Variants in ADGRV1 observed in about 807,000 individuals in gnomAD.
ADGRV1 encodes G-protein coupled receptor 98.
A neutral mutation model predicts 596.2 loss-of-function variants in ADGRV1; 359 were observed. The observed-to-expected ratio is 0.60, with a 90% confidence interval of 0.55 to 0.66. The LOEUF is 0.66. Ranked by LOEUF, ADGRV1 falls within the 30% of genes least tolerant of loss-of-function variation. The probability of loss-of-function intolerance (pLI) is 0.00; values close to 1 mark genes in which losing one functional copy is unlikely to be tolerated. For missense variants in ADGRV1, 7,274 were observed against 7,575.6 expected (o/e 0.96, Z 1.48); for synonymous variants, 2,681 against 2,679.2 (o/e 1.00, Z -0.02).
intron 21 of ADGRV1, among the ~76,000 whole-genome samples, chr5:90,665,249 C>G (rs1422394922): frequency 6.6e-6 from 1 of 152,010 alleles, no homozygotes; most frequent in Non-Finnish European, 1.5e-5. Flanking sequence ...GTCCTGGACT[C>G]TTTTTGGTTG....
rs781629539 is a variant in ADGRV1 at position 90,840,560 on chromosome 5, GTGT to G, written c.16612-13_16612-11del. 7 of 1,562,564 alleles carry G rather than the reference GTGT, an allele frequency of 4.5e-6. No homozygotes were observed. Among genetic ancestry groups the G allele is most frequent in the African/African-American group, 2.7e-5 (2 of 73,372 alleles). On this transcript the variant is annotated splice_polypyrimidine_tract_variant and intron_variant, in intron 77 of 89. Transcript: ENST00000405460. Reference sequence around the variant, plus strand: ...GAGGTGTCATAGATTCACTTAAATGGTGTTGTTTAATTTCTAGGAGTTGAGGAG... The same window carrying G: ...GAGGTGTCATAGATTCACTTAAATGGTGTTTAATTTCTAGGAGTTGAGGAG...
intron 87 of ADGRV1, among the ~76,000 whole-genome samples, chr5:91,111,677 C>A (rs919641361): frequency 6.6e-6 from 1 of 152,160 alleles, no homozygotes; most frequent in Non-Finnish European, 1.5e-5. Context: ...CACTTTGTTT[C>A]CATTGGAGAC....
chr5:90,679,512 T>G, intron 25 of ADGRV1, 37 bp from the exon 26 acceptor site: 1 of 1,457,368 alleles, frequency 6.9e-7, no homozygotes, highest in South Asian at 1.2e-5. Context: ...TGTCAATGTG[T>G]GTTGTGTGGG....
chr5:90,604,066 C>T lies in ADGRV1; in HGVS notation c.23-10769C>T, dbSNP rs926087163. Reference sequence around the variant, plus strand: ...AGCAAATTCTCTGTCTAACTGGCAGCTACTGCTTAGCTCCAGGCAAGGGAT... The same window carrying T: ...AGCAAATTCTCTGTCTAACTGGCAGTTACTGCTTAGCTCCAGGCAAGGGAT... On this transcript the variant is annotated intron_variant, in intron 1 of 89. Transcript: ENST00000405460. Among the ~76,000 whole-genome samples the T allele has an allele frequency of 2.9e-4, 44 of 151,902 alleles. 1 individual carries two copies. The South Asian group carries it at 9.0e-3, about 31-fold the overall frequency.
chr5:90,716,315 G>A (rs1221375744), intron 42 of ADGRV1, among the ~76,000 whole-genome samples, 152 bp from the exon 43 acceptor site: 1 of 152,070 alleles, frequency 6.6e-6, no homozygotes, highest in Non-Finnish European at 1.5e-5. Context: ...TTTATTAAAT[G>A]CTTTAAAAAA....
rs180906338 is a variant in ADGRV1, at chr5:90,855,499, G to A, written c.17595-242G>A. ...CCTGTTGAGAGGACAAGCTCCTTTG[G>A]TACCAGGAATGCCTTCAAAGCTTTG... On this transcript the variant is annotated intron_variant, in intron 81 of 89. Transcript: ENST00000405460. Among the ~76,000 whole-genome samples, 277 of 152,230 alleles carry A rather than the reference G, an allele frequency of 1.8e-3. 1 individual carries two copies. Among genetic ancestry groups the A allele is most frequent in the African/African-American group, 5.7e-3 (237 of 41,548 alleles).
chr5:90,892,923 G>T (rs976389233), intron 83 of ADGRV1, among the ~76,000 whole-genome samples: 1 of 152,090 alleles, frequency 6.6e-6, no homozygotes, highest in Non-Finnish European at 1.5e-5. Context: ...TTTGGCTCTG[G>T]CCAAGATGGA....
chr5:91,037,449 G>C (rs1785001758), intron 85 of ADGRV1, among the ~76,000 whole-genome samples: 1 of 147,142 alleles, frequency 6.8e-6, no homozygotes, highest in African/African-American at 2.5e-5. Flanking sequence ...GTCCCATCAA[G>C]TCAGGAAGGG....
intron 85 of ADGRV1, among the ~76,000 whole-genome samples, chr5:90,985,882 T>C (rs547796253): frequency 6.6e-6 from 1 of 152,002 alleles, no homozygotes; most frequent in South Asian, 2.1e-4. Flanking sequence ...AAGCAGTGTG[T>C]TTTTGGTGAG....
At position 90,724,862 on chromosome 5, in the gene ADGRV1, A is replaced by G. The variant is rs1400252516; in HGVS notation, c.9779A>G (p.Gln3260Arg). 1.2e-6 allele frequency: 2 copies of G among 1,613,202 alleles called. No homozygotes were observed. The highest frequency in any genetic ancestry group is 2.2e-5 in the South Asian group (2 of 91,030). Residue 3260 changes from glutamine to arginine, a missense_variant, in exon 46 of 90, where the codon CAA becomes CGA. Gln to Arg is a conservative substitution (Grantham distance 43). This residue lies in a region of ADGRV1 where 3,643 missense variants were observed against 3,809.2 expected (regional missense o/e 0.96). Coordinates refer to ENST00000405460, the MANE Select transcript of ADGRV1 (RefSeq NM_032119.4). ...ATGGATGTTGTGTTTTCCGTATTTC[A>G]AAGTTTTTTGGATGAATCAGCTTCT... ...RGMDVVFSVFQSFLDESASGW... is the reference protein window; with the variant it reads ...RGMDVVFSVFRSFLDESASGW...
chr5:91,055,276 A>G (rs1430426025), intron 85 of ADGRV1, among the ~76,000 whole-genome samples: 1 of 151,882 alleles, frequency 6.6e-6, no homozygotes, highest in Non-Finnish European at 1.5e-5. Flanking sequence ...ATATTAACCA[A>G]ACATTTGAAT....
intron 83 of ADGRV1, among the ~76,000 whole-genome samples, chr5:90,933,475 G>A (rs149317401): frequency 6.6e-6 from 1 of 152,232 alleles, no homozygotes; most frequent in East Asian, 1.9e-4. Context: ...TTTATTTTAA[G>A]GGCAGTAAGT....
At position 90,810,326 on chromosome 5, in the gene ADGRV1, G is replaced by T; in HGVS notation, c.15066G>T (p.Met5022Ile). The T allele has an allele frequency of 1.9e-6, 3 of 1,612,014 alleles. No homozygotes were observed. The highest frequency in any genetic ancestry group is 2.2e-5 in the South Asian group (2 of 90,552). Residue 5022 changes from methionine to isoleucine, a missense_variant, in exon 74 of 90, where the codon ATG becomes ATT. Coordinates refer to ENST00000405460, the MANE Select transcript of ADGRV1 (RefSeq NM_032119.4). ...RNIIVSEDTQMIRLHVQRLFG... is the reference protein window; with the variant it reads ...RNIIVSEDTQIIRLHVQRLFG... Reference sequence around the variant, plus strand: ...TCATAGTGTCAGAAGATACACAGATGATCAGATTACATGTACAAAGACTAT... The same window carrying T: ...TCATAGTGTCAGAAGATACACAGATTATCAGATTACATGTACAAAGACTAT...
At chr5:90,681,804 T>C (rs951797150) in intron 27 of ADGRV1, among the ~76,000 whole-genome samples, 2 of 139,844 alleles carry the variant, frequency 1.4e-5, no homozygotes, top group African/African-American at 2.9e-5. Context: ...AGAATTGCCT[T>C]CCTCCCTCCC....
intron 85 of ADGRV1, among the ~76,000 whole-genome samples, chr5:90,993,051 T>C (rs1047699647): frequency 2.0e-5 from 3 of 152,124 alleles, no homozygotes; most frequent in Admixed American, 6.5e-5. Context: ...CCCCAATGTC[T>C]TTTTTCTACT....
At position 90,810,601 on chromosome 5, in the gene ADGRV1, A is replaced by G. The variant is rs752508814; in HGVS notation, c.15341A>G (p.Asn5114Ser). Residue 5114 changes from asparagine (N) to serine (S), a missense_variant, in exon 74 of 90, where the codon AAT becomes AGT. By Grantham distance (46) the Asn-to-Ser change is conservative. This residue lies in a region of ADGRV1 where 1,874 missense variants were observed against 1,970.2 expected (regional missense o/e 0.95). Transcript: ENST00000405460. Reference protein sequence around the residue: ...KFDVNWSPRLNLDFSVAVITI... With the variant: ...KFDVNWSPRLSLDFSVAVITI... ...GATGTTAATTGGAGCCCACGCCTGAATCTAGATTTCAGTGTTGCAGTGATT... is the reference window on the plus strand; with the variant it reads ...GATGTTAATTGGAGCCCACGCCTGAGTCTAGATTTCAGTGTTGCAGTGATT... 1.2e-5 allele frequency: 19 copies of G among 1,613,978 alleles called. No individual in the cohort carries two copies. The highest frequency in any genetic ancestry group is 1.6e-5 in the Non-Finnish European group (19 of 1,179,884).
intron 87 of ADGRV1, 82 bp downstream of exon 87, chr5:91,102,422 A>C (rs1791466661): frequency 8.0e-7 from 1 of 1,251,632 alleles, no homozygotes; most frequent in East Asian, 2.6e-5. Flanking sequence ...TAAAGAGTCA[A>C]GCATCCACAC....
intron 1 of ADGRV1, among the ~76,000 whole-genome samples, chr5:90,576,356 A>G (rs907174022): frequency 3.3e-5 from 5 of 151,772 alleles, no homozygotes; most frequent in African/African-American, 1.2e-4. Flanking sequence ...GAGTGAGAAC[A>G]TGTGGTGTTT....
intron 1 of ADGRV1, among the ~76,000 whole-genome samples, chr5:90,580,662 T>C (rs1379176335): frequency 1.3e-5 from 2 of 152,218 alleles, no homozygotes; most frequent in African/African-American, 2.4e-5. Context: ...GTTAGTCCGA[T>C]GGACTTCCCT....
Sources: allele counts gnomAD v4.1 joint callset (sites outside exome capture counted in the v4.1 genomes callset), GRCh38; gene constraint gnomAD v4.1.1; regional missense constraint gnomAD v4.1.1; transcripts MANE v1.5; gene names NCBI Gene and HGNC (gene_info 2026-07-23, HGNC 2026-07-21).